Variants in SNX27 observed in about 807,000 individuals in gnomAD.
SNX27 encodes the protein sorting nexin 27, also known as sorting nexin-27.
Under a neutral mutation model 71.6 loss-of-function variants are expected in SNX27, and 22 were observed. The observed-to-expected ratio is 0.31, with a 90% CI of 0.22 to 0.44. SNX27 has a LOEUF of 0.44. Ranked by LOEUF, SNX27 falls within the 20% of genes least tolerant of loss-of-function variation. The probability of loss-of-function intolerance (pLI) is 1.00; values close to 1 mark genes in which losing one functional copy is unlikely to be tolerated. For synonymous variants in SNX27, 269 were observed against 277.2 expected (o/e 0.97, Z 0.29); for missense variants, 531 against 698.6 (o/e 0.76, Z 2.70).
At chr1:151,624,244 G>A (rs1380129596) in intron 1 of SNX27, among the ~76,000 whole-genome samples, 2 of 151,974 alleles carry the variant, frequency 1.3e-5, no homozygotes, top group Non-Finnish European at 2.9e-5. Context: ...GGGATTACAG[G>A]AGTGAGCCAC....
At chr1:151,675,810 C>CTTTCTTTTTT (rs1670665258) in intron 7 of SNX27, 2 of 31,464 alleles carry the variant, frequency 6.4e-5, no homozygotes, top group Non-Finnish European at 1.2e-4. Context: ...TTCTTTCTTT[C>CTTTCTTTTTT]TTTTTTTTTT....
chr1:151,627,336 AC>A (rs1417010183), intron 1 of SNX27, among the ~76,000 whole-genome samples: 1 of 152,190 alleles, frequency 6.6e-6, no homozygotes, highest in African/African-American at 2.4e-5. Context: ...GTTAACGAGT[AC>A]CCTCGTGGAA....
Position 151,673,056 on chromosome 1 carries a change from C to T in SNX27, c.1149+4421C>T, listed in dbSNP as rs994955833. Among the ~76,000 whole-genome samples, 3 of 151,468 alleles carry T rather than the reference C, an allele frequency of 2.0e-5. No homozygotes were observed. The South Asian group carries it at 6.2e-4, about 31-fold the overall frequency. ...CTTGCTTTTCTATTTCTTTAAGATG[C>T]ATCATTGTTTGAAATTTTTGTCTTT... On this transcript the variant is annotated intron_variant, in intron 7 of 11. Coordinates refer to ENST00000458013, the MANE Select transcript of SNX27 (RefSeq NM_001330723.2).
intron 8 of SNX27, among the ~76,000 whole-genome samples, chr1:151,689,275 G>A (rs2102736165): frequency 6.6e-6 from 1 of 152,294 alleles, no homozygotes; most frequent in Admixed American, 6.5e-5. Context: ...TCTCAGAAGT[G>A]GAACTAGAAT....
At chr1:151,682,781 T>C (rs1671026118) in intron 7 of SNX27, among the ~76,000 whole-genome samples, 1 of 152,136 alleles carries the variant, frequency 6.6e-6, no homozygotes. Flanking sequence ...ATGCCTGTAA[T>C]CCCAGCACTT....
intron 7 of SNX27, among the ~76,000 whole-genome samples, chr1:151,674,395 C>T (rs1196919210): frequency 6.6e-6 from 1 of 152,062 alleles, no homozygotes; most frequent in African/African-American, 2.4e-5. Flanking sequence ...TTATATATAC[C>T]TTATTGTACT....
intron 7 of SNX27, chr1:151,678,365 A>G (rs972808000): frequency 6.6e-6 from 1 of 152,188 alleles, no homozygotes; most frequent in Non-Finnish European, 1.5e-5. Flanking sequence ...TGCCTTTGTT[A>G]TAACTGGCTT....
chr1:151,645,232 C>T (rs1340870731), intron 2 of SNX27, among the ~76,000 whole-genome samples: 1 of 152,176 alleles, frequency 6.6e-6, no homozygotes, highest in Admixed American at 6.5e-5. Context: ...ATGTGTGGTT[C>T]TATTTCTGAA....
chr1:151,687,681 G>A (rs958018497), intron 8 of SNX27, among the ~76,000 whole-genome samples: 1 of 152,166 alleles, frequency 6.6e-6, no homozygotes. Flanking sequence ...TGGCGCGGTG[G>A]CTCACGCCTA....
At position 151,696,075 on chromosome 1, in the gene SNX27, AAGG is replaced by A. The variant is rs1379018767; in HGVS notation, c.*1661_*1663del. On this transcript the variant is annotated 3_prime_UTR_variant, in exon 12 of 12. Coordinates refer to ENST00000458013, the MANE Select transcript of SNX27 (RefSeq NM_001330723.2). ...ATTGGATCTCCCAAGTTTTAATTGA[AAGG>A]AGACTGAACGAAAACCTTTCTGCTT... The A allele has an allele frequency of 1.3e-5, 2 of 152,352 alleles. No individual in the cohort carries two copies. The highest frequency in any genetic ancestry group is 4.8e-5 in the African/African-American group (2 of 41,572). The allele number at this position is 152,352 out of a possible 1,614,324, so 9.4% of individuals were successfully genotyped here.
At chr1:151,629,945 T>C (rs1222476793) in intron 1 of SNX27, among the ~76,000 whole-genome samples, 2 of 151,636 alleles carry the variant, frequency 1.3e-5, no homozygotes, top group Non-Finnish European at 2.9e-5. Context: ...GCCCTGTCTC[T>C]ACTGAAAATA....
intron 2 of SNX27, among the ~76,000 whole-genome samples, chr1:151,650,934 A>G (rs1336812526): frequency 6.6e-6 from 1 of 152,232 alleles, no homozygotes; most frequent in Non-Finnish European, 1.5e-5. Flanking sequence ...TCACAGATCA[A>G]CAGGATCCCA....
chr1:151,689,286 T>A (rs113932595), intron 8 of SNX27, among the ~76,000 whole-genome samples: 48 of 152,334 alleles, frequency 3.2e-4, no homozygotes, highest in African/African-American at 1.1e-3. Context: ...GAACTAGAAT[T>A]TGAAAATGTG....
Position 151,696,237 on chromosome 1 carries a change from G to A in SNX27, c.*1820G>A, listed in dbSNP as rs1188226668. 6.6e-6 allele frequency: 1 copy of A among 152,168 alleles called. No homozygotes were observed. The highest frequency in any genetic ancestry group is 1.5e-5 in the Non-Finnish European group (1 of 68,026). The allele number at this position is 152,168 out of a possible 1,614,324, so 9.4% of individuals were successfully genotyped here. On this transcript the variant is annotated 3_prime_UTR_variant, in exon 12 of 12. Coordinates refer to ENST00000458013, the MANE Select transcript of SNX27 (RefSeq NM_001330723.2). Reference sequence around the variant, plus strand: ...CCAGCCCCTAAGCTCTGTAGATAATGCATAAGAAGCACCAAGTCAGGCTCA... The same window carrying A: ...CCAGCCCCTAAGCTCTGTAGATAATACATAAGAAGCACCAAGTCAGGCTCA...
At chr1:151,624,245 A>C (rs141573137) in intron 1 of SNX27, among the ~76,000 whole-genome samples, 2,322 of 151,604 alleles carry the variant, frequency 0.015, 52 homozygotes, top group African/African-American at 0.052. Context: ...GGATTACAGG[A>C]GTGAGCCACC....
intron 1 of SNX27, among the ~76,000 whole-genome samples, chr1:151,622,403 C>T (rs879889040): frequency 1.2e-4 from 18 of 151,930 alleles, no homozygotes; most frequent in Non-Finnish European, 2.1e-4. Context: ...TACCAGATCA[C>T]GTGAGGGATA....
intron 7 of SNX27, chr1:151,679,235 GTTAAACTGAT>G (rs1670834552): frequency 6.6e-6 from 1 of 152,168 alleles, no homozygotes; most frequent in Non-Finnish European, 1.5e-5. Context: ...AAAGCTGTCA[GTTAAACTGAT>G]ACATCATTGA....
intron 8 of SNX27, among the ~76,000 whole-genome samples, chr1:151,688,705 A>C (rs777331170): frequency 6.6e-6 from 1 of 151,144 alleles, no homozygotes; most frequent in Non-Finnish European, 1.5e-5. Flanking sequence ...AACTCATTTT[A>C]GGTTTAGGGA....
In SNX27 at chr1:151,654,597, C is replaced by T. The variant is rs575293387; in HGVS notation, c.544-3638C>T. On this transcript the variant is annotated intron_variant, in intron 2 of 11. Coordinates refer to ENST00000458013, the MANE Select transcript of SNX27 (RefSeq NM_001330723.2). ...TACTGCCTGTCTTAGCCTGTTTTCACTGCTTTAATAGAATAACACAGATTG... is the reference window on the plus strand; with the variant it reads ...TACTGCCTGTCTTAGCCTGTTTTCATTGCTTTAATAGAATAACACAGATTG... Among the ~76,000 whole-genome samples the T allele has an allele frequency of 3.3e-5, 5 of 152,218 alleles. No homozygotes were observed. The East Asian group carries it at 9.6e-4, about 29-fold the overall frequency.
Sources: allele counts gnomAD v4.1 joint callset (sites outside exome capture counted in the v4.1 genomes callset), GRCh38; gene constraint gnomAD v4.1.1; transcripts MANE v1.5; gene names NCBI Gene and HGNC (gene_info 2026-07-23, HGNC 2026-07-21).